The following RIMS2 variants were observed in gnomAD, a reference collection of about 807,000 sequenced individuals.
RIMS2 encodes the protein regulating synaptic membrane exocytosis 2, also known as regulating synaptic membrane exocytosis protein 2.
Under a neutral mutation model 174.4 loss-of-function variants are expected in RIMS2, and 59 were observed. That is an observed-to-expected ratio of 0.34 (90% confidence interval 0.27 to 0.42). The LOEUF is 0.42. RIMS2 is among the 10% of genes least tolerant of loss of function. The probability of loss-of-function intolerance (pLI) is 1.00; values close to 1 mark genes in which losing one functional copy is unlikely to be tolerated. For synonymous variants in RIMS2, 606 were observed against 572.5 expected, an observed-to-expected ratio of 1.06 and a Z score of -0.84; for missense variants, 1,620 against 1,666.3, an observed-to-expected ratio of 0.97 and a Z score of 0.48.
rs371113702 is a variant in RIMS2, at chr8:104,213,049, C to T, written c.3335-31867C>T. 7.0e-4 allele frequency among the ~76,000 whole-genome samples: 107 copies of T among 152,274 alleles called. 1 individual carries two copies. The highest frequency in any genetic ancestry group is 2.5e-3 in the African/African-American group (103 of 41,560). ...CAGAAAAGTCTTCTTCGGCTGGGTGCGGTGGCTCAACCCTGTAATCCCAGC... is the reference window on the plus strand; with the variant it reads ...CAGAAAAGTCTTCTTCGGCTGGGTGTGGTGGCTCAACCCTGTAATCCCAGC... On this transcript the variant is annotated intron_variant, in intron 19 of 23. Coordinates refer to ENST00000504942, the Ensembl canonical transcript of RIMS2.
chr8:103,990,201 G>A (rs1461336060), intron 17 of RIMS2, among the ~76,000 whole-genome samples: 1 of 152,020 alleles, frequency 6.6e-6, no homozygotes, highest in African/African-American at 2.4e-5. Context: ...CCGATTTTAG[G>A]AAGAACATTT....
At chr8:103,651,418 ACTT>A (rs764202496) in intron 1 of RIMS2, among the ~76,000 whole-genome samples, 37 of 151,978 alleles carry the variant, frequency 2.4e-4, no homozygotes, top group Middle Eastern at 3.4e-3. Context: ...ACAACTGTCT[ACTT>A]CTAAATCAGT....
chr8:103,798,530 A>G (rs2098573913), intron 3 of RIMS2, among the ~76,000 whole-genome samples: 2 of 152,128 alleles, frequency 1.3e-5, no homozygotes, highest in Admixed American at 1.3e-4. Context: ...AGGTTTGTTA[A>G]TCATTTGTCA....
Position 104,148,926 on chromosome 8 carries a change from T to G in RIMS2, c.3335-95990T>G, listed in dbSNP as rs1251712063. 28 of 1,404,858 alleles carry G rather than the reference T, an allele frequency of 2.0e-5. No homozygotes were observed. In the East Asian group the frequency reaches 5.0e-4, roughly 25 times the overall value. 87.0% of individuals were successfully genotyped at this position (1,404,858 alleles called of 1,614,324 possible). On this transcript the variant is annotated intron_variant, in intron 19 of 23. Coordinates refer to ENST00000504942, the Ensembl canonical transcript of RIMS2. ...TATATTTCTTTTCTCTTACTCATTT[T>G]ATTGCAGTAATGTGTGGATGATGAC...
At chr8:103,664,928 A>G (rs537686423) in intron 1 of RIMS2, among the ~76,000 whole-genome samples, 1 of 152,346 alleles carries the variant, frequency 6.6e-6, no homozygotes, top group East Asian at 1.9e-4. Context: ...CATATACACC[A>G]TGGAATACTA....
At chr8:103,970,349 C>T (rs2092722344) in intron 15 of RIMS2, among the ~76,000 whole-genome samples, 1 of 152,152 alleles carries the variant, frequency 6.6e-6, no homozygotes, top group Non-Finnish European at 1.5e-5. Flanking sequence ...TCCCTTCTCC[C>T]AGATTGGTTA....
chr8:104,123,245 T>A (rs7813596), intron 19 of RIMS2, among the ~76,000 whole-genome samples: 31,631 of 151,938 alleles, frequency 0.21, 3,803 homozygotes, highest in East Asian at 0.58. Context: ...TTTTATTTAA[T>A]GTATATGTAG....
chr8:103,678,920 C>T (rs537575729), intron 1 of RIMS2, among the ~76,000 whole-genome samples: 9 of 151,534 alleles, frequency 5.9e-5, no homozygotes, highest in African/African-American at 1.7e-4. Flanking sequence ...CAATAAATGC[C>T]GACACATGTT....
intron 14 of RIMS2, among the ~76,000 whole-genome samples, chr8:103,954,368 C>G (rs566976241): frequency 1.3e-5 from 2 of 152,312 alleles, no homozygotes; most frequent in East Asian, 3.9e-4. Flanking sequence ...CACTCCTCAG[C>G]AAATGCAAGA....
At chr8:103,671,050 G>T (rs994481643) in intron 1 of RIMS2, among the ~76,000 whole-genome samples, 1 of 152,180 alleles carries the variant, frequency 6.6e-6, no homozygotes, top group South Asian at 2.1e-4. Flanking sequence ...GCCTGGGGAT[G>T]CCTCACAATC....
At chr8:103,847,356 T>C (rs1171542787) in intron 3 of RIMS2, among the ~76,000 whole-genome samples, 1 of 152,084 alleles carries the variant, frequency 6.6e-6, no homozygotes, top group Non-Finnish European at 1.5e-5. Flanking sequence ...TCCTGCAAGG[T>C]GTCCACTGTA....
intron 3 of RIMS2, among the ~76,000 whole-genome samples, chr8:103,828,888 T>G (rs145498505): frequency 1.4e-3 from 212 of 152,242 alleles, no homozygotes; most frequent in African/African-American, 4.9e-3. Context: ...TTGTGTGGCT[T>G]TACTTCTGGG....
intron 1 of RIMS2, among the ~76,000 whole-genome samples, chr8:103,557,946 C>G (rs1011104482): frequency 6.6e-6 from 1 of 152,140 alleles, no homozygotes; most frequent in East Asian, 1.9e-4. Context: ...CATAAATTCT[C>G]CCAACTATGG....
At chr8:103,774,349 A>G (rs2098287989) in intron 3 of RIMS2, among the ~76,000 whole-genome samples, 1 of 152,194 alleles carries the variant, frequency 6.6e-6, no homozygotes, top group South Asian at 2.1e-4. Context: ...GAGATGAAAT[A>G]ATATATCTAT....
intron 1 of RIMS2, among the ~76,000 whole-genome samples, chr8:103,617,946 C>G (rs1457943508): frequency 6.6e-6 from 1 of 152,038 alleles, no homozygotes; most frequent in African/African-American, 2.4e-5. Context: ...AGCAATATGG[C>G]AATTCCTCAA....
intron 1 of RIMS2, among the ~76,000 whole-genome samples, chr8:103,649,655 T>G (rs2096412446): frequency 6.6e-6 from 1 of 151,624 alleles, no homozygotes. Context: ...ATTCTTTTTT[T>G]TTTTTCTTTC....
intron 4 of RIMS2, among the ~76,000 whole-genome samples, chr8:103,909,961 G>A (rs1042179337): frequency 4.0e-5 from 6 of 149,458 alleles, no homozygotes; most frequent in Admixed American, 6.7e-5. Context: ...TTGAATATTA[G>A]CTTTCTTTTG....
chr8:104,069,497 C>G, intron 19 of RIMS2, among the ~76,000 whole-genome samples: 1 of 110,588 alleles, frequency 9.0e-6, no homozygotes, highest in East Asian at 2.9e-4. Context: ...GAGATGGAGT[C>G]TCACTCTGTT....
chr8:103,599,951 T>C (rs1166521966), intron 1 of RIMS2, among the ~76,000 whole-genome samples: 2 of 152,196 alleles, frequency 1.3e-5, no homozygotes, highest in East Asian at 3.8e-4. Flanking sequence ...ATTTTGACTA[T>C]AGTCACCCTG....
Sources: gnomAD v4.1 joint callset for allele counts (sites outside exome capture counted in the v4.1 genomes callset) on GRCh38, gnomAD v4.1.1 for gene constraint, MANE v1.5 for transcripts, NCBI Gene and HGNC (gene_info 2026-07-23, HGNC 2026-07-21) for gene names.